The following LRRTM4 variants were observed in gnomAD, a reference collection of about 807,000 sequenced individuals.
LRRTM4 encodes the protein leucine-rich repeat transmembrane neuronal protein 4.
Under a neutral mutation model 47.6 loss-of-function variants are expected in LRRTM4, and 25 were observed. The ratio of observed to expected loss-of-function variants is 0.53; its 90% CI spans 0.38 to 0.73. The LOEUF is 0.73. Ranked by LOEUF, LRRTM4 falls within the 30% of genes least tolerant of loss-of-function variation. The pLI, the probability that LRRTM4 is intolerant of heterozygous loss-of-function variation, is 0.00. For synonymous variants in LRRTM4, 311 were observed against 269.5 expected (o/e 1.15, Z -1.51); for missense variants, 638 against 713.4 (o/e 0.89, Z 1.20).
At chr2:76,965,583 CTT>C in intron 3 of LRRTM4, among the ~76,000 whole-genome samples, 1 of 151,124 alleles carries the variant, frequency 6.6e-6, no homozygotes, top group African/African-American at 2.4e-5. Flanking sequence ...ATATTTAACT[CTT>C]ATAATTATTA....
chr2:77,005,588 G>T (rs1162969763), intron 3 of LRRTM4, among the ~76,000 whole-genome samples: 2 of 152,152 alleles, frequency 1.3e-5, no homozygotes, highest in Non-Finnish European at 2.9e-5. Context: ...GGAGGTAATT[G>T]AATCATGGGA....
chr2:76,884,503 G>C (rs969141853), intron 3 of LRRTM4, among the ~76,000 whole-genome samples: 2 of 152,086 alleles, frequency 1.3e-5, no homozygotes, highest in African/African-American at 4.8e-5. Flanking sequence ...CTATTAAAAG[G>C]TTTGCATATA....
chr2:77,241,945 C>T (rs914797500), intron 3 of LRRTM4, among the ~76,000 whole-genome samples: 1 of 152,036 alleles, frequency 6.6e-6, no homozygotes, highest in Non-Finnish European at 1.5e-5. Context: ...TCAATTGACC[C>T]TATGTGAAAG....
In LRRTM4 at chr2:77,363,389, C is replaced by G. The variant is rs369475153; in HGVS notation, c.1551+154929G>C. 3.4e-4 allele frequency among the ~76,000 whole-genome samples: 52 copies of G among 152,164 alleles called. 1 individual carries two copies. The South Asian group carries it at 0.011, about 32-fold the overall frequency. ...CAGAAGGAAAAGAAAAATATACTCCCAAGAATATAGCATCTCGCCTTGAAC... is the reference window on the plus strand; with the variant it reads ...CAGAAGGAAAAGAAAAATATACTCCGAAGAATATAGCATCTCGCCTTGAAC... On this transcript the variant is annotated intron_variant, in intron 3 of 3. Coordinates refer to ENST00000409884, the MANE Select transcript of LRRTM4 (RefSeq NM_001134745.3).
intron 3 of LRRTM4, among the ~76,000 whole-genome samples, chr2:77,247,111 T>C (rs1675468993): frequency 1.3e-5 from 2 of 152,126 alleles, no homozygotes; most frequent in Admixed American, 1.3e-4. Flanking sequence ...TTATTAATTA[T>C]ATTGAATGAG....
rs375354533 is a variant in LRRTM4 at position 76,766,220 on chromosome 2, GA to G, written c.1552-17305del. ...AACATTTAAATGAGGCTGGAACTGG[GA>G]GGGGGTTATACATGTGGCGAATTGT... is the stretch of plus-strand genomic sequence containing the variant. On this transcript the variant is annotated intron_variant, in intron 3 of 3. Coordinates refer to ENST00000409884, the MANE Select transcript of LRRTM4 (RefSeq NM_001134745.3). Among the ~76,000 whole-genome samples, 75 of 152,304 alleles carry G rather than the reference GA, an allele frequency of 4.9e-4. 1 individual carries two copies. The East Asian group carries it at 8.5e-3, about 17-fold the overall frequency.
chr2:77,184,819 C>T (rs1402293857), intron 3 of LRRTM4, among the ~76,000 whole-genome samples: 1 of 152,022 alleles, frequency 6.6e-6, no homozygotes. Context: ...AAACTAAAAA[C>T]CAGAAAGATA....
chr2:76,778,407 G>A (rs1477555702), intron 3 of LRRTM4, among the ~76,000 whole-genome samples: 1 of 140,068 alleles, frequency 7.1e-6, no homozygotes, highest in African/African-American at 2.8e-5. Context: ...TTTTTGGTTG[G>A]TAAGCTATTG....
At chr2:77,440,774 T>C (rs1251542762) in intron 3 of LRRTM4, among the ~76,000 whole-genome samples, 1 of 152,232 alleles carries the variant, frequency 6.6e-6, no homozygotes, top group Non-Finnish European at 1.5e-5. Context: ...ACATTTCCTT[T>C]ACATAACTGT....
intron 3 of LRRTM4, among the ~76,000 whole-genome samples, chr2:77,022,711 G>A (rs925151866): frequency 6.6e-6 from 1 of 152,204 alleles, no homozygotes; most frequent in Admixed American, 6.5e-5. Flanking sequence ...TTCATATCCA[G>A]GTCATGCTGA....
intron 3 of LRRTM4, among the ~76,000 whole-genome samples, chr2:77,335,877 T>C (rs1301719819): frequency 6.6e-6 from 1 of 152,070 alleles, no homozygotes; most frequent in East Asian, 1.9e-4. Context: ...AGATAGCAAA[T>C]ATTGTAGGCT....
chr2:77,300,520 TA>T (rs1245482171), intron 3 of LRRTM4, among the ~76,000 whole-genome samples: 1 of 152,148 alleles, frequency 6.6e-6, no homozygotes, highest in African/African-American at 2.4e-5. Context: ...ATAGAGTTTA[TA>T]ATAAATAGTA....
chr2:76,822,234 AAG>A (rs1671074604), intron 3 of LRRTM4, among the ~76,000 whole-genome samples: 1 of 151,522 alleles, frequency 6.6e-6, no homozygotes, highest in African/African-American at 2.4e-5. Flanking sequence ...AGCTAAAAAC[AAG>A]AGATACTAAG....
At chr2:77,122,038 C>T (rs866037657) in intron 3 of LRRTM4, among the ~76,000 whole-genome samples, 34 of 151,870 alleles carry the variant, frequency 2.2e-4, no homozygotes, top group African/African-American at 7.5e-4. Flanking sequence ...ACAATGTTTA[C>T]ATGTTTATAT....
At chr2:77,138,572 C>G (rs929123297) in intron 3 of LRRTM4, among the ~76,000 whole-genome samples, 1 of 152,006 alleles carries the variant, frequency 6.6e-6, no homozygotes, top group Non-Finnish European at 1.5e-5. Flanking sequence ...GCTAAAGAAG[C>G]AAGAGCAAAC....
At chr2:76,951,587 G>A (rs930902193) in intron 3 of LRRTM4, among the ~76,000 whole-genome samples, 2 of 151,990 alleles carry the variant, frequency 1.3e-5, no homozygotes, top group Admixed American at 6.6e-5. Context: ...TTGACTATAA[G>A]AAATTGCTGC....
chr2:76,772,466 T>C (rs556491010), intron 3 of LRRTM4, among the ~76,000 whole-genome samples: 2 of 152,310 alleles, frequency 1.3e-5, no homozygotes, highest in South Asian at 4.1e-4. Flanking sequence ...AGTCTAGTAC[T>C]AAAATAATAG....
chr2:76,775,800 A>G (rs1221735979), intron 3 of LRRTM4, among the ~76,000 whole-genome samples: 1 of 151,954 alleles, frequency 6.6e-6, no homozygotes, highest in Non-Finnish European at 1.5e-5. Context: ...GTACATGTGC[A>G]TATTGTGCAG....
rs1670704164 is a variant in LRRTM4, at chr2:77,325,005, TGTTATA to T, written c.1551+193307_1551+193312del. On this transcript the variant is annotated intron_variant, in intron 3 of 3. Coordinates refer to ENST00000409884, the MANE Select transcript of LRRTM4 (RefSeq NM_001134745.3). ...AAATATAGTTAGTTGATGGACTAGA[TGTTATA>T]GTATTCCATGCACATCCCTTCCACT... Among the ~76,000 whole-genome samples the T allele has an allele frequency of 4.6e-5, 7 of 152,298 alleles. No homozygotes were observed. The South Asian group carries it at 1.4e-3, about 32-fold the overall frequency.
Sources: gnomAD v4.1 joint callset for allele counts (sites outside exome capture counted in the v4.1 genomes callset) on GRCh38, gnomAD v4.1.1 for gene constraint, MANE v1.5 for transcripts, NCBI Gene and HGNC (gene_info 2026-07-23, HGNC 2026-07-21) for gene names.